Variants in ROBO2 observed in about 807,000 individuals in gnomAD.
The protein encoded by ROBO2 is roundabout guidance receptor 2.
ROBO2 carries 53 observed loss-of-function variants against 160.8 expected under a neutral mutation model. That is an observed-to-expected ratio of 0.33 (90% CI 0.26 to 0.41). The LOEUF (loss-of-function observed/expected upper bound fraction) is 0.41. Among genes scored for constraint, ROBO2 ranks in the 10% least tolerant of loss-of-function variants. ROBO2 has a pLI of 1.00. For missense variants in ROBO2, 1,577 were observed against 1,722.4 expected, an observed-to-expected ratio of 0.92 and a Z score of 1.49; for synonymous variants, 664 against 611.7, an observed-to-expected ratio of 1.09 and a Z score of -1.26.
Position 77,563,367 on chromosome 3 carries a change from C to T in ROBO2, c.1682+38C>T, listed in dbSNP as rs113647784. ...TCCTTCTTTCTCCACTGGGTTTTGT[C>T]TTAGCTCCTTTATTCTAAAATGTCA... On this transcript the variant is annotated intron_variant, in intron 11 of 25. Coordinates refer to ENST00000461745, the Ensembl canonical transcript of ROBO2. 4.6e-3 allele frequency: 7,387 copies of T among 1,595,150 alleles called. 213 individuals are homozygous for T. The African/African-American group carries it at 0.077, about 17-fold the overall frequency.
chr3:76,448,055 A>T (rs556758302), intron 2 of ROBO2, among the ~76,000 whole-genome samples: 28 of 152,120 alleles, frequency 1.8e-4, no homozygotes, highest in African/African-American at 6.7e-4. Flanking sequence ...TAAAAAAAGA[A>T]ATTAAGCAGA....
intron 2 of ROBO2, among the ~76,000 whole-genome samples, chr3:76,746,003 T>G (rs2093884034): frequency 1.7e-5 from 2 of 119,594 alleles, no homozygotes; most frequent in South Asian, 5.4e-4. Context: ...CCCAAAACAG[T>G]CCCCAGAGTG....
At chr3:77,074,737 G>GATGAATGAATGA (rs60736267) in intron 1 of ROBO2, among the ~76,000 whole-genome samples, 2 of 151,572 alleles carry the variant, frequency 1.3e-5, no homozygotes, top group African/African-American at 4.9e-5. Context: ...ATGAATAAGT[G>GATGAATGAATGA]ATGAATGAAT....
intron 2 of ROBO2, among the ~76,000 whole-genome samples, chr3:77,314,875 A>T (rs1298965476): frequency 6.6e-6 from 1 of 152,166 alleles, no homozygotes; most frequent in Non-Finnish European, 1.5e-5. Context: ...TGTGAAAAAT[A>T]AACTTATTTT....
chr3:77,379,616 C>T (rs9864947), intron 2 of ROBO2, among the ~76,000 whole-genome samples: 46,328 of 152,054 alleles, frequency 0.3, 7,650 homozygotes, highest in Non-Finnish European at 0.38. Flanking sequence ...TTCAGATGAA[C>T]ATTTTAAAAA....
intron 2 of ROBO2, among the ~76,000 whole-genome samples, chr3:76,690,465 C>G (rs2092777199): frequency 6.6e-6 from 1 of 151,914 alleles, no homozygotes; most frequent in Non-Finnish European, 1.5e-5. Flanking sequence ...ATCAAGGCAC[C>G]ATCTTGGAAT....
At chr3:76,140,776 T>C (rs970560401) in intron 2 of ROBO2, among the ~76,000 whole-genome samples, 1 of 151,542 alleles carries the variant, frequency 6.6e-6, no homozygotes, top group Non-Finnish European at 1.5e-5. Flanking sequence ...GTTTCAATGC[T>C]TCTAGATGCC....
intron 2 of ROBO2, among the ~76,000 whole-genome samples, chr3:76,177,875 T>C (rs1391326054): frequency 6.6e-6 from 1 of 152,160 alleles, no homozygotes; most frequent in Non-Finnish European, 1.5e-5. Flanking sequence ...TTACCTACAC[T>C]GTTCACAAAC....
intron 2 of ROBO2, among the ~76,000 whole-genome samples, chr3:76,265,527 A>T (rs1707044649): frequency 6.6e-6 from 1 of 152,192 alleles, no homozygotes; most frequent in Admixed American, 6.6e-5. Context: ...CGGTGTCAGA[A>T]AAATCACTCA....
intron 2 of ROBO2, among the ~76,000 whole-genome samples, chr3:76,587,566 A>G (rs2086130804): frequency 6.6e-6 from 1 of 152,112 alleles, no homozygotes; most frequent in African/African-American, 2.4e-5. Flanking sequence ...GAACTCAATC[A>G]TTATCACGAG....
chr3:77,235,103 T>G (rs550413032), intron 2 of ROBO2, among the ~76,000 whole-genome samples: 1 of 152,324 alleles, frequency 6.6e-6, no homozygotes, highest in Non-Finnish European at 1.5e-5. Context: ...AAAATATGGT[T>G]AATGGAAAAA....
At chr3:77,517,146 A>T (rs1369682853) in intron 5 of ROBO2, among the ~76,000 whole-genome samples, 1 of 151,760 alleles carries the variant, frequency 6.6e-6, no homozygotes. Context: ...GAAAGATGAA[A>T]GCAAAGACTA....
intron 2 of ROBO2, among the ~76,000 whole-genome samples, chr3:77,432,948 A>T (rs1275637416): frequency 6.6e-6 from 1 of 152,194 alleles, no homozygotes; most frequent in East Asian, 1.9e-4. Context: ...TAAGAGACAT[A>T]AAAGAATGGG....
At chr3:75,980,521 A>G (rs1038500024) in intron 2 of ROBO2, among the ~76,000 whole-genome samples, 3 of 151,574 alleles carry the variant, frequency 2.0e-5, no homozygotes, top group African/African-American at 7.3e-5. Context: ...AAATCTTTTC[A>G]TGCATCAGCA....
At chr3:76,021,787 C>T (rs1035132739) in intron 2 of ROBO2, among the ~76,000 whole-genome samples, 4 of 151,728 alleles carry the variant, frequency 2.6e-5, no homozygotes, top group African/African-American at 9.7e-5. Flanking sequence ...AGGGTTTGGT[C>T]CCAATGTTGA....
chr3:77,471,047 G>A (rs2083301463), intron 2 of ROBO2, among the ~76,000 whole-genome samples: 1 of 152,142 alleles, frequency 6.6e-6, no homozygotes, highest in South Asian at 2.1e-4. Flanking sequence ...TCAATGATGT[G>A]TGCCAATTCT....
At chr3:76,396,747 C>T (rs2077476426) in intron 2 of ROBO2, among the ~76,000 whole-genome samples, 1 of 152,082 alleles carries the variant, frequency 6.6e-6, no homozygotes, top group East Asian at 1.9e-4. Context: ...AATAAAATAC[C>T]TAGGAATCCA....
At chr3:76,306,673 A>C (rs551876708) in intron 2 of ROBO2, among the ~76,000 whole-genome samples, 10 of 152,288 alleles carry the variant, frequency 6.6e-5, no homozygotes, top group Non-Finnish European at 1.0e-4. Context: ...TTTGTAACTA[A>C]ATTCTTAAGG....
intron 2 of ROBO2, among the ~76,000 whole-genome samples, chr3:77,473,500 C>T (rs1383157027): frequency 8.0e-6 from 1 of 125,672 alleles, no homozygotes; most frequent in Non-Finnish European, 1.6e-5. Context: ...CGCTCTGTCG[C>T]CCAGGCTGGA....
Sources: gnomAD v4.1 joint callset for allele counts (sites outside exome capture counted in the v4.1 genomes callset) on GRCh38, gnomAD v4.1.1 for gene constraint, MANE v1.5 for transcripts, NCBI Gene and HGNC (gene_info 2026-07-23, HGNC 2026-07-21) for gene names.